Variants in FAM76B observed in about 807,000 individuals in gnomAD.
FAM76B encodes the protein protein FAM76B.
FAM76B carries 16 observed loss-of-function variants against 51.8 expected under a neutral mutation model. The ratio of observed to expected loss-of-function variants is 0.31; its 90% CI spans 0.21 to 0.47. The LOEUF (loss-of-function observed/expected upper bound fraction) is 0.47. Ranked by LOEUF, FAM76B falls within the 20% of genes least tolerant of loss-of-function variation. The probability of loss-of-function intolerance (pLI) is 1.00; values close to 1 mark genes in which losing one functional copy is unlikely to be tolerated. For missense variants in FAM76B, 342 were observed against 392.6 expected (o/e 0.87, Z 1.09); for synonymous variants, 166 against 129.5 (o/e 1.28, Z -1.91).
At chr11:95,781,398 T>C (rs1202779042) in intron 5 of FAM76B, among the ~76,000 whole-genome samples, 2 of 152,166 alleles carry the variant, frequency 1.3e-5, no homozygotes, top group Admixed American at 6.6e-5. Context: ...AGCCATCAAA[T>C]AGAAAATAGT....
intron 4 of FAM76B, among the ~76,000 whole-genome samples, 180 bp downstream of exon 4, chr11:95,785,939 A>T (rs1453093508): frequency 1.3e-5 from 2 of 152,252 alleles, no homozygotes; most frequent in Non-Finnish European, 2.9e-5. Flanking sequence ...AGTATAGTAC[A>T]TGAATCTATG....
At chr11:95,788,664 T>C in intron 1 of FAM76B, 101 bp from the exon 2 acceptor site, 2 of 1,317,204 alleles carry the variant, frequency 1.5e-6, no homozygotes, top group Non-Finnish European at 2.1e-6. Context: ...GTCTAAAACA[T>C]TTATAAAACC....
At chr11:95,781,637 G>A (rs1022265641) in intron 5 of FAM76B, among the ~76,000 whole-genome samples, 3 of 152,066 alleles carry the variant, frequency 2.0e-5, no homozygotes, top group Admixed American at 2.0e-4. Context: ...TTAGAAGTAG[G>A]TCTGACATAT....
chr11:95,788,798 G>A, intron 1 of FAM76B: 1 of 1,471,760 alleles, frequency 6.8e-7, no homozygotes, highest in South Asian at 1.2e-5. Flanking sequence ...GACAAATTAA[G>A]AAAGCTGTCA....
intron 5 of FAM76B, among the ~76,000 whole-genome samples, chr11:95,782,561 A>C (rs548050515): frequency 4.6e-5 from 7 of 152,158 alleles, no homozygotes; most frequent in Non-Finnish European, 7.4e-5. Context: ...ACAAAGTATC[A>C]TTAGTTAAAA....
In FAM76B at chr11:95,789,663, C is replaced by G. The variant is rs1184936413; in HGVS notation, c.-185G>C. ...ACGACGCCACCGTCTCCCTCCGCCT[C>G]CACTTCCGCCCCAGCCCACCCAGTG... On this transcript the variant is annotated 5_prime_UTR_variant, in exon 1 of 10. Coordinates refer to ENST00000358780, the MANE Select transcript of FAM76B (RefSeq NM_144664.5). 1 of 523,564 alleles carries G rather than the reference C, an allele frequency of 1.9e-6. No individual in the cohort carries two copies. Among genetic ancestry groups the G allele is most frequent in the African/African-American group, 2.0e-5 (1 of 48,940 alleles). The allele number at this position is 523,564 out of a possible 1,614,324, so 32.4% of individuals were successfully genotyped here.
rs745976129 is a variant in FAM76B, at chr11:95,779,830, T to C, written c.611+49A>G. On this transcript the variant is annotated intron_variant, in intron 6 of 9. Transcript: ENST00000358780. ...AACAAAGTTGAAGGGATATCACATTTATAAATATACATTTCAAAATACTTC... is the reference window on the plus strand; with the variant it reads ...AACAAAGTTGAAGGGATATCACATTCATAAATATACATTTCAAAATACTTC... 15 of 1,577,222 alleles carry C rather than the reference T, an allele frequency of 9.5e-6. No individual in the cohort carries two copies. The East Asian group carries it at 3.2e-4, about 33-fold the overall frequency.
chr11:95,783,371 CACAA>C, intron 4 of FAM76B, 107 bp from the exon 5 acceptor site: 6 of 898,162 alleles, frequency 6.7e-6, no homozygotes, highest in Non-Finnish European at 8.6e-6. Context: ...ACGTAACATG[CACAA>C]ATGCATGTAT....
intron 5 of FAM76B, among the ~76,000 whole-genome samples, chr11:95,781,159 T>G (rs1245698318): frequency 1.3e-5 from 2 of 151,596 alleles, no homozygotes; most frequent in Non-Finnish European, 2.9e-5. Flanking sequence ...TATCTCAAAG[T>G]TAAGAATAAT....
At position 95,789,436 on chromosome 11, in the gene FAM76B, G is replaced by A; in HGVS notation, c.43C>T (p.Arg15Cys). 1 of 1,609,902 alleles carries A rather than the reference G, an allele frequency of 6.2e-7. No individual in the cohort carries two copies. The highest frequency in any genetic ancestry group is 8.5e-7 in the Non-Finnish European group (1 of 1,178,290). ...ALYACTKCTQ[R>C]YPFEELSQGQ... Reference sequence around the variant, plus strand: ...TGGGAGAGCTCCTCGAAAGGATAACGCTGGGTACACTTGGTGCAGGCGTAC... The same window carrying A: ...TGGGAGAGCTCCTCGAAAGGATAACACTGGGTACACTTGGTGCAGGCGTAC... The change falls in exon 1 of 10, where the codon CGT becomes TGT. Residue 15 changes from arginine (R) to cysteine (C), a missense_variant. Coordinates refer to ENST00000358780, the MANE Select transcript of FAM76B (RefSeq NM_144664.5).
At chr11:95,775,262 G>C (rs562903345) in intron 9 of FAM76B, among the ~76,000 whole-genome samples, 1 of 151,582 alleles carries the variant, frequency 6.6e-6, no homozygotes, top group African/African-American at 2.4e-5. Flanking sequence ...GTAGCATTCT[G>C]TATCCATGTT....
intron 9 of FAM76B, among the ~76,000 whole-genome samples, chr11:95,772,328 A>G (rs1200867220): frequency 6.6e-6 from 1 of 151,140 alleles, no homozygotes; most frequent in Non-Finnish European, 1.5e-5. Context: ...GAATTTTTAC[A>G]AAGATTCAAA....
At chr11:95,787,751 T>C (rs1390094353) in intron 2 of FAM76B, 73 bp from the exon 3 acceptor site, 2 of 1,273,572 alleles carry the variant, frequency 1.6e-6, no homozygotes, top group East Asian at 2.5e-5. Context: ...CAAAATAAAA[T>C]GAGTCAAAGA....
chr11:95,778,423 T>C (rs191679560), intron 8 of FAM76B, among the ~76,000 whole-genome samples: 1 of 151,638 alleles, frequency 6.6e-6, no homozygotes, highest in East Asian at 1.9e-4. Context: ...TTGATCTGGA[T>C]TGATACAAAT....
intron 9 of FAM76B, among the ~76,000 whole-genome samples, chr11:95,773,701 G>A (rs1859873138): frequency 1.3e-5 from 2 of 151,250 alleles, no homozygotes; most frequent in African/African-American, 4.8e-5. Flanking sequence ...AAAACACTTA[G>A]CCTAACACAG....
rs1350788621 is a variant in FAM76B, at chr11:95,775,951, CT to C, written c.900del (p.Ala301ProfsTer36). On this transcript the variant is annotated frameshift_variant, in exon 9 of 10. Coordinates refer to ENST00000358780, the MANE Select transcript of FAM76B (RefSeq NM_144664.5). LOFTEE classifies it high-confidence loss of function. Reference sequence around the variant, plus strand: ...AGTTGTTCCACAGTTTCTTTGTGGGCTTTTTCCATACTGTTCATTTTTGTTC... The same window carrying C: ...AGTTGTTCCACAGTTTCTTTGTGGGCTTTTCCATACTGTTCATTTTTGTTC... Reference protein sequence around the residue: ...NLRTKMNSMEKAHKETVEQLQ... With the variant: ...NLRTKMNSMEXAHKETVEQLQ... 8 of 1,589,176 alleles carry C rather than the reference CT, an allele frequency of 5.0e-6. No individual in the cohort carries two copies. Among genetic ancestry groups the C allele is most frequent in the Admixed American group, 3.5e-5 (2 of 56,760 alleles).
intron 4 of FAM76B, 97 bp from the exon 5 acceptor site, chr11:95,783,361 A>G (rs1367714009): frequency 1.0e-6 from 1 of 997,408 alleles, no homozygotes; most frequent in African/African-American, 1.6e-5. Context: ...TATATTCCAC[A>G]CGTAACATGC....
At position 95,788,547 on chromosome 11, in the gene FAM76B, T is replaced by C. The variant is rs749376953; in HGVS notation, c.104A>G (p.His35Arg). The change falls in exon 2 of 10, where the codon CAT becomes CGT. Residue 35 changes from histidine to arginine, a missense_variant. Coordinates refer to ENST00000358780, the MANE Select transcript of FAM76B (RefSeq NM_144664.5). ...QQLCKECRIA[H>R]PIVKCTYCRS... ...GCAGTAAGTACATTTTACAATAGGA[T>C]GTGCAATCCGACATTCCTGTAATAA... 2.5e-6 allele frequency: 4 copies of C among 1,612,802 alleles called. No individual in the cohort carries two copies. The highest frequency in any genetic ancestry group is 3.4e-6 in the Non-Finnish European group (4 of 1,179,572).
At chr11:95,789,270 G>T in intron 1 of FAM76B, 122 bp downstream of exon 1, 1 of 1,118,150 alleles carries the variant, frequency 8.9e-7, no homozygotes, top group Non-Finnish European at 1.3e-6. Flanking sequence ...GGGGAGGCGA[G>T]GGCTCCAGAC....
Sources: gnomAD v4.1 joint callset for allele counts (sites outside exome capture counted in the v4.1 genomes callset) on GRCh38, gnomAD v4.1.1 for gene constraint, MANE v1.5 for transcripts, NCBI Gene and HGNC (gene_info 2026-07-23, HGNC 2026-07-21) for gene names.